Variants in PCDHGA8 observed in about 807,000 individuals in gnomAD.
PCDHGA8 encodes protocadherin gamma-A8.
PCDHGA8 carries 45 observed loss-of-function variants against 59.2 expected under a neutral mutation model. The observed-to-expected ratio is 0.76, with a 90% confidence interval of 0.60 to 0.98. The LOEUF is 0.98. Ranked by LOEUF, PCDHGA8 falls within the 50% of genes least tolerant of loss-of-function variation. The probability of loss-of-function intolerance (pLI) is 0.00; values close to 1 mark genes in which losing one functional copy is unlikely to be tolerated. For missense variants in PCDHGA8, 1,257 were observed against 1,196.2 expected, an observed-to-expected ratio of 1.05 and a Z score of -0.75; for synonymous variants, 531 against 519.0, an observed-to-expected ratio of 1.02 and a Z score of -0.32.
At chr5:141,447,238 C>T (rs1028683423) in intron 1 of PCDHGA8, among the ~76,000 whole-genome samples, 1 of 152,148 alleles carries the variant, frequency 6.6e-6, no homozygotes, top group Non-Finnish European at 1.5e-5. Context: ...CTCCCGGGTT[C>T]AAGTGATTCT....
At chr5:141,409,011 A>T in intron 1 of PCDHGA8, 1 of 1,613,974 alleles carries the variant, frequency 6.2e-7, no homozygotes, top group Non-Finnish European at 8.5e-7. Context: ...ACTGACCAGG[A>T]TGAGGGGGTC....
Position 141,393,869 on chromosome 5 carries a change from G to A in PCDHGA8, c.1056G>A (p.Leu352=). 2 of 1,613,982 alleles carry A rather than the reference G, an allele frequency of 1.2e-6. No individual in the cohort carries two copies. Among genetic ancestry groups the A allele is most frequent in the Non-Finnish European group, 1.7e-6 (2 of 1,179,890 alleles). Residue 352 remains leucine (L), a synonymous_variant, in exon 1 of 4, where the codon TTG becomes TTA. Coordinates refer to ENST00000398604, the MANE Select transcript of PCDHGA8 (RefSeq NM_032088.2). The part of the protein sequence containing the change: ...DNRPEVIITS[L]FSPVLENSLP... ...GACCAGAAGTGATCATTACGTCTTT[G>A]TTTAGCCCAGTGTTAGAAAATTCTC... is the stretch of plus-strand genomic sequence containing the variant.
chr5:141,464,306 A>G (rs1438401635), intron 1 of PCDHGA8, among the ~76,000 whole-genome samples: 3 of 150,952 alleles, frequency 2.0e-5, no homozygotes. Context: ...TTGTATGTGC[A>G]CATATCATTA....
chr5:141,447,312 G>C (rs2098534178), intron 1 of PCDHGA8, among the ~76,000 whole-genome samples: 2 of 151,918 alleles, frequency 1.3e-5, no homozygotes, highest in African/African-American at 2.4e-5. Flanking sequence ...GCTAATTTTT[G>C]TATTTTTAGT....
chr5:141,488,564 G>A (rs1047904416), intron 1 of PCDHGA8, among the ~76,000 whole-genome samples: 4 of 152,154 alleles, frequency 2.6e-5, no homozygotes, highest in Non-Finnish European at 5.9e-5. Context: ...TGAGATTTCC[G>A]CAAAGCATTG....
At chr5:141,469,780 G>A (rs775691161) in intron 1 of PCDHGA8, among the ~76,000 whole-genome samples, 12 of 152,080 alleles carry the variant, frequency 7.9e-5, no homozygotes, top group Non-Finnish European at 1.8e-4. Context: ...ATTTATTACA[G>A]CGTTATTTGT....
rs1175280816 is a variant in PCDHGA8 at position 141,511,121 on chromosome 5, C to T, written c.2747C>T (p.Pro916Leu). 2 of 1,614,102 alleles carry T rather than the reference C, an allele frequency of 1.2e-6. No homozygotes were observed. Among genetic ancestry groups the T allele is most frequent in the African/African-American group, 1.3e-5 (1 of 74,938 alleles). Residue 916 changes from proline (P) to leucine (L), a missense_variant, in exon 4 of 4, where the codon CCA becomes CTA. Transcript: ENST00000398604. ...GCTGGCAAGCGGGATGGCAAGGCCCCAGCAGGTGGCAATGGCAACAAGAAG... is the reference window on the plus strand; with the variant it reads ...GCTGGCAAGCGGGATGGCAAGGCCCTAGCAGGTGGCAATGGCAACAAGAAG... ...NAAGKRDGKA[P>L]AGGNGNKKKS...
intron 1 of PCDHGA8, chr5:141,475,885 A>G (rs1593590954): frequency 1.8e-6 from 1 of 556,524 alleles, no homozygotes. Flanking sequence ...ATTGGCTGGG[A>G]CTCTGTGTGC....
At chr5:141,408,438 C>G (rs749271632) in intron 1 of PCDHGA8, 8 of 1,613,896 alleles carry the variant, frequency 5.0e-6, no homozygotes, top group Non-Finnish European at 5.9e-6. Flanking sequence ...AGCGTAGACG[C>G]GGAGAGCGGG....
At chr5:141,422,611 A>C in intron 1 of PCDHGA8, 3 of 1,613,762 alleles carry the variant, frequency 1.9e-6, no homozygotes, top group Non-Finnish European at 2.5e-6. Flanking sequence ...CTCTGCCTAC[A>C]TTCCCGAAAA....
At position 141,485,135 on chromosome 5, in the gene PCDHGA8, G is replaced by A; in HGVS notation, c.2425-9672G>A. 6.7e-7 allele frequency: 1 copy of A among 1,500,498 alleles called. No individual in the cohort carries two copies. Among genetic ancestry groups the A allele is most frequent in the East Asian group, 2.3e-5 (1 of 44,254 alleles). 92.9% of individuals were successfully genotyped at this position (1,500,498 alleles called of 1,614,324 possible). A position where few individuals can be genotyped will look rare whatever the true frequency, so the allele number is the denominator to read the frequency against. On this transcript the variant is annotated intron_variant, in intron 1 of 3. Coordinates refer to ENST00000398604, the MANE Select transcript of PCDHGA8 (RefSeq NM_032088.2). The surrounding 1 kb of genome is among the most constrained non-coding windows in gnomAD (Gnocchi z 5.7). ...TGTTTGGGGCGGGTCGGCTTCATCCGCGTCTCAGGAGCAAGTAGAGAATTA... is the reference window on the plus strand; with the variant it reads ...TGTTTGGGGCGGGTCGGCTTCATCCACGTCTCAGGAGCAAGTAGAGAATTA...
intron 3 of PCDHGA8, among the ~76,000 whole-genome samples, chr5:141,506,923 C>G: frequency 6.6e-6 from 1 of 152,184 alleles, no homozygotes; most frequent in African/African-American, 2.4e-5. Flanking sequence ...ACATACTAAA[C>G]AAACTTTAGG....
At chr5:141,398,764 A>G in intron 1 of PCDHGA8, 2 of 1,613,924 alleles carry the variant, frequency 1.2e-6, no homozygotes, top group East Asian at 4.5e-5. Context: ...TTTAGTCCTG[A>G]CTGCCTTGGA....
At position 141,476,761 on chromosome 5, in the gene PCDHGA8, G is replaced by C. The variant is rs1293828206; in HGVS notation, c.2425-18046G>C. ...AGCCTAGTCTCCAGTTAGTGCTGAC[G>C]GCGTTGGACGGAGGGACCCCAGCTC... On this transcript the variant is annotated intron_variant, in intron 1 of 3. Transcript: ENST00000398604. This position sits in a 1 kb window ranked among gnomAD's most constrained non-coding sequence, Gnocchi z 7.6. 6.2e-7 allele frequency: 1 copy of C among 1,613,734 alleles called. No individual in the cohort carries two copies. Among genetic ancestry groups the C allele is most frequent in the East Asian group, 2.2e-5 (1 of 44,884 alleles).
chr5:141,410,849 C>CTTTTTTTTCTTTTTT (rs2095433387), intron 1 of PCDHGA8: 1 of 129,786 alleles, frequency 7.7e-6, no homozygotes, highest in African/African-American at 6.0e-5. Context: ...TTGTCTTTGT[C>CTTTTTTTTCTTTTTT]TTTTTTTTTT....
At chr5:141,418,630 A>G in intron 1 of PCDHGA8, 1 of 1,614,046 alleles carries the variant, frequency 6.2e-7, no homozygotes, top group Non-Finnish European at 8.5e-7. Context: ...ACGTGCCTCC[A>G]GGCACCTCCA....
Position 141,431,145 on chromosome 5 carries a change from A to G in PCDHGA8, c.2424+35908A>G. The G allele has an allele frequency of 1.2e-6, 2 of 1,614,244 alleles. No homozygotes were observed. Among genetic ancestry groups the G allele is most frequent in the Non-Finnish European group, 1.7e-6 (2 of 1,180,042 alleles). On this transcript the variant is annotated intron_variant, in intron 1 of 3. Transcript: ENST00000398604. The surrounding 1 kb of genome is among the most constrained non-coding windows in gnomAD (Gnocchi z 4.8). ...GTAGAAGTAAGGGACATTAACGACA[A>G]TGCGCCTTACTTTCGTGAAAGTGAA... is the stretch of plus-strand genomic sequence containing the variant.
At position 141,487,075 on chromosome 5, in the gene PCDHGA8, C is replaced by T. The variant is rs755563146; in HGVS notation, c.2425-7732C>T. The T allele has an allele frequency of 1.9e-6, 3 of 1,614,116 alleles. No individual in the cohort carries two copies. The highest frequency in any genetic ancestry group is 2.5e-6 in the Non-Finnish European group (3 of 1,179,982). ...GGGAGGTGCGGACGGCTGTTCCTATCCCAGCTGACCTCCCACCACAGAAGC... is the reference window on the plus strand; with the variant it reads ...GGGAGGTGCGGACGGCTGTTCCTATTCCAGCTGACCTCCCACCACAGAAGC... On this transcript the variant is annotated intron_variant, in intron 1 of 3. Transcript: ENST00000398604. This position sits in a 1 kb window ranked among gnomAD's most constrained non-coding sequence, Gnocchi z 5.0.
chr5:141,485,340 C>A lies in PCDHGA8; in HGVS notation c.2425-9467C>A. 1 of 1,614,076 alleles carries A rather than the reference C, an allele frequency of 6.2e-7. No individual in the cohort carries two copies. On this transcript the variant is annotated intron_variant, in intron 1 of 3. Transcript: ENST00000398604. The surrounding 1 kb of genome is among the most constrained non-coding windows in gnomAD (Gnocchi z 5.7). ...GTCGCTCAAGATTTCCTGCTGGATA[C>A]GGACAGTCTGTCAGCTCGCAGGCTG...
Sources: gnomAD v4.1 joint callset for allele counts (sites outside exome capture counted in the v4.1 genomes callset) on GRCh38, gnomAD v4.1.1 for gene constraint, Gnocchi (gnomAD v3.1) non-coding constraint, MANE v1.5 for transcripts, NCBI Gene and HGNC (gene_info 2026-07-23, HGNC 2026-07-21) for gene names.